IMMP2L: variants seen among roughly 807,000 people sequenced by gnomAD.
IMMP2L encodes mitochondrial inner membrane protease subunit 2.
IMMP2L carries 18 observed loss-of-function variants against 19.3 expected under a neutral mutation model. The observed-to-expected ratio is 0.93, with a 90% CI of 0.64 to 1.38. The LOEUF is 1.38. Ranked by LOEUF, IMMP2L falls within the 40% of genes most tolerant of loss-of-function variation. The pLI, the probability that IMMP2L is intolerant of heterozygous loss-of-function variation, is 0.00. For missense variants in IMMP2L, 233 were observed against 218.2 expected (o/e 1.07, Z -0.43); for synonymous variants, 76 against 73.0 (o/e 1.04, Z -0.21).
intron 3 of IMMP2L, among the ~76,000 whole-genome samples, chr7:111,232,018 T>G (rs1375249512): frequency 6.6e-6 from 1 of 152,018 alleles, no homozygotes; most frequent in East Asian, 1.9e-4. Context: ...ATTACTTTCA[T>G]ACATAGAGAC....
chr7:110,818,203 C>T, intron 5 of IMMP2L, among the ~76,000 whole-genome samples: 1 of 151,988 alleles, frequency 6.6e-6, no homozygotes, highest in Non-Finnish European at 1.5e-5. Context: ...AAAATTTTCG[C>T]AACCTACTCA....
At chr7:111,501,991 A>G (rs1032492513) in intron 2 of IMMP2L, among the ~76,000 whole-genome samples, 2 of 152,154 alleles carry the variant, frequency 1.3e-5, no homozygotes, top group African/African-American at 4.8e-5. Context: ...TTAAATGTAA[A>G]TGGGCTAAAT....
intron 3 of IMMP2L, among the ~76,000 whole-genome samples, chr7:110,991,024 C>T (rs1822394721): frequency 6.6e-6 from 1 of 152,076 alleles, no homozygotes; most frequent in Non-Finnish European, 1.5e-5. Flanking sequence ...ATGTGTGTTT[C>T]ATAATTAAAA....
chr7:110,852,845 G>A (rs1038445222), intron 5 of IMMP2L, among the ~76,000 whole-genome samples: 1 of 151,994 alleles, frequency 6.6e-6, no homozygotes, highest in African/African-American at 2.4e-5. Context: ...CCCACAGCCA[G>A]CATAATTTGT....
chr7:111,465,953 A>G (rs1411569867), intron 3 of IMMP2L, among the ~76,000 whole-genome samples: 1 of 152,198 alleles, frequency 6.6e-6, no homozygotes, highest in Non-Finnish European at 1.5e-5. Context: ...AGACTGGATT[A>G]AGAAAATGTG....
chr7:111,271,848 G>T (rs1410009378), intron 3 of IMMP2L, among the ~76,000 whole-genome samples: 1 of 152,120 alleles, frequency 6.6e-6, no homozygotes, highest in East Asian at 1.9e-4. Flanking sequence ...TGCTCAAGTT[G>T]TTCAAGCTTA....
rs79206892 is a variant in IMMP2L at position 110,803,104 on chromosome 7, G to A, written c.408+83489C>T. Among the ~76,000 whole-genome samples, 1,195 of 152,236 alleles carry A rather than the reference G, an allele frequency of 7.8e-3. 10 individuals carry two copies. Among genetic ancestry groups the A allele is most frequent in the Non-Finnish European group, 0.013 (877 of 68,004 alleles). The stretch of plus-strand genomic sequence containing the variant: ...TGCCTATTGAAATAGATGAGTTTGT[G>A]TCTTAGCCTTGAAGGATGTATAGGA... On this transcript the variant is annotated intron_variant, in intron 5 of 5. Coordinates refer to ENST00000405709, the MANE Select transcript of IMMP2L (RefSeq NM_032549.4). The surrounding 1 kb of genome is among the most constrained non-coding windows in gnomAD (Gnocchi z 4.2).
chr7:111,326,345 T>C (rs928566857), intron 3 of IMMP2L, among the ~76,000 whole-genome samples: 1 of 151,776 alleles, frequency 6.6e-6, no homozygotes, highest in Non-Finnish European at 1.5e-5. Context: ...TTTTGATCAA[T>C]ACCAAAGATT....
intron 3 of IMMP2L, among the ~76,000 whole-genome samples, chr7:111,086,679 G>A (rs1405038653): frequency 6.6e-6 from 1 of 152,198 alleles, no homozygotes; most frequent in Non-Finnish European, 1.5e-5. Flanking sequence ...AAAGGACAAA[G>A]TCATTGAAGA....
intron 3 of IMMP2L, among the ~76,000 whole-genome samples, chr7:111,478,878 TA>T (rs1046716545): frequency 1.3e-5 from 2 of 152,166 alleles, no homozygotes; most frequent in East Asian, 1.9e-4. Flanking sequence ...GTGTTGCGTA[TA>T]AAAAAATTAT....
At chr7:110,884,779 AATTAG>A (rs1810042494) in intron 5 of IMMP2L, among the ~76,000 whole-genome samples, 1 of 152,096 alleles carries the variant, frequency 6.6e-6, no homozygotes, top group African/African-American at 2.4e-5. Context: ...ACCTTACAAA[AATTAG>A]ATTATATTTT....
At chr7:110,912,678 A>C (rs1413497372) in intron 4 of IMMP2L, among the ~76,000 whole-genome samples, 2 of 151,884 alleles carry the variant, frequency 1.3e-5, no homozygotes, top group East Asian at 3.9e-4. Context: ...TTGGGTTTTT[A>C]TTTACAATGC....
intron 1 of IMMP2L, among the ~76,000 whole-genome samples, chr7:111,537,210 T>G (rs1012334342): frequency 2.2e-4 from 33 of 152,182 alleles, no homozygotes; most frequent in African/African-American, 7.9e-4. Context: ...AAAAGGGCCA[T>G]AAAAATAAAA....
chr7:110,759,439 T>C (rs763008035), intron 5 of IMMP2L, among the ~76,000 whole-genome samples: 16 of 152,126 alleles, frequency 1.1e-4, no homozygotes, highest in Non-Finnish European at 1.9e-4. Context: ...TAAAATAGCA[T>C]GATATGCGAG....
chr7:111,337,219 G>A (rs1464216847), intron 3 of IMMP2L, among the ~76,000 whole-genome samples: 2 of 151,740 alleles, frequency 1.3e-5, no homozygotes, highest in African/African-American at 2.4e-5. Context: ...AAAAAGCAGA[G>A]AATTATAAAA....
At chr7:111,258,801 T>C (rs1256894983) in intron 3 of IMMP2L, among the ~76,000 whole-genome samples, 1 of 152,114 alleles carries the variant, frequency 6.6e-6, no homozygotes, top group Admixed American at 6.6e-5. Context: ...CCACCGTGCC[T>C]AGCCAGAAAA....
intron 3 of IMMP2L, among the ~76,000 whole-genome samples, chr7:111,295,559 G>T (rs1478304084): frequency 6.6e-6 from 1 of 151,774 alleles, no homozygotes; most frequent in African/African-American, 2.4e-5. Flanking sequence ...CAATACACAT[G>T]AAATATGAAT....
chr7:111,057,456 T>A (rs1044115976), intron 3 of IMMP2L, among the ~76,000 whole-genome samples: 1 of 152,010 alleles, frequency 6.6e-6, no homozygotes, highest in Non-Finnish European at 1.5e-5. Context: ...ACAGAACAGA[T>A]ATGTAAGAAT....
chr7:111,460,586 T>C (rs1030858801), intron 3 of IMMP2L, among the ~76,000 whole-genome samples: 3 of 152,024 alleles, frequency 2.0e-5, no homozygotes, highest in Admixed American at 2.0e-4. Flanking sequence ...TAGGAGAAGA[T>C]AGGAATGACA....
Sources: allele counts gnomAD v4.1 joint callset (sites outside exome capture counted in the v4.1 genomes callset), GRCh38; gene constraint gnomAD v4.1.1; non-coding constraint Gnocchi (gnomAD v3.1); transcripts MANE v1.5; gene names NCBI Gene and HGNC (gene_info 2026-07-23, HGNC 2026-07-21).